PSMB5: variants seen among roughly 807,000 people sequenced by gnomAD.
PSMB5 encodes proteasome 20S subunit beta 5, also known as proteasome subunit beta type-5.
In PSMB5, 2 loss-of-function variants were observed where a neutral mutation model predicts 22.8. That is an observed-to-expected ratio of 0.09 (90% CI 0.04 to 0.28). PSMB5 has a LOEUF of 0.28. Ranked by LOEUF, PSMB5 falls within the 10% of genes least tolerant of loss-of-function variation. The pLI is 1.00. For synonymous variants in PSMB5, 133 were observed against 135.3 expected (o/e 0.98, Z 0.12); for missense variants, 269 against 343.8 (o/e 0.78, Z 1.72).
chr14:23,035,077 T>C, upstream of PSMB5: 1 of 1,099,888 alleles, frequency 9.1e-7, no homozygotes, highest in Non-Finnish European at 1.2e-6. Flanking sequence ...GGGAAATAGA[T>C]GGCTTCACTA....
chr14:23,035,086 T>C, upstream of PSMB5: 1 of 1,001,012 alleles, frequency 1.0e-6, no homozygotes, highest in South Asian at 1.9e-5. Context: ...ATGGCTTCAC[T>C]AACCTTAAAT....
intron 2 of PSMB5, among the ~76,000 whole-genome samples, chr14:23,031,171 C>T (rs578229542): frequency 9.8e-5 from 15 of 152,316 alleles, no homozygotes; most frequent in African/African-American, 3.6e-4. Context: ...GATGCTCAGT[C>T]TCCCTGGATT....
At chr14:23,034,626 A>T in intron 1 of PSMB5, 58 bp downstream of exon 1, 1 of 1,582,542 alleles carries the variant, frequency 6.3e-7, no homozygotes, top group Non-Finnish European at 8.6e-7. Context: ...TCAGGCTGGG[A>T]GGCCAGGCAA....
chr14:23,034,965 C>A, upstream of PSMB5: 2 of 1,493,270 alleles, frequency 1.3e-6, no homozygotes, highest in East Asian at 2.5e-5. Flanking sequence ...AGCTTCACTT[C>A]CTATTAAATC....
intron 2 of PSMB5, among the ~76,000 whole-genome samples, chr14:23,026,795 A>G (rs2046917392): frequency 6.6e-6 from 1 of 150,840 alleles, no homozygotes; most frequent in East Asian, 2.0e-4. Flanking sequence ...AAAAAATAAA[A>G]AAATAGGCCG....
At chr14:23,031,919 T>C (rs2046955121) in intron 2 of PSMB5, among the ~76,000 whole-genome samples, 2 of 151,768 alleles carry the variant, frequency 1.3e-5, no homozygotes, top group African/African-American at 4.8e-5. Flanking sequence ...TGAAACCCTG[T>C]CTCTACTAAA....
intron 2 of PSMB5, among the ~76,000 whole-genome samples, chr14:23,029,981 C>T (rs1329988811): frequency 3.9e-5 from 6 of 151,936 alleles, no homozygotes; most frequent in African/African-American, 7.2e-5. Context: ...TGGGGTTTCA[C>T]CGTGTTAGCC....
chr14:23,026,440 A>ACTAC, intron 2 of PSMB5, 65 bp from the exon 3 acceptor site: 1 of 1,554,208 alleles, frequency 6.4e-7, no homozygotes, highest in East Asian at 2.3e-5. Flanking sequence ...TCTAATTCAT[A>ACTAC]TGCCAAGGCA....
At chr14:23,035,015 C>A (rs1414068064), upstream of PSMB5, 28 of 1,430,214 alleles carry the variant, frequency 2.0e-5, no homozygotes, top group East Asian at 5.1e-5. Flanking sequence ...GGCAAGCACG[C>A]CTCCAAAAAG....
chr14:23,034,467 C>T lies in PSMB5; in HGVS notation c.198+217G>A. ...ACCCAAGAGGCCTCACCTTCCTCCCCCGACTTACCCCCGGCCCCACCGCCA... is the reference window on the plus strand; with the variant it reads ...ACCCAAGAGGCCTCACCTTCCTCCCTCGACTTACCCCCGGCCCCACCGCCA... On this transcript the variant is annotated intron_variant, in intron 1 of 2. Coordinates refer to ENST00000361611, the MANE Select transcript of PSMB5 (RefSeq NM_002797.5). 5.1e-6 allele frequency: 3 copies of T among 583,684 alleles called. No homozygotes were observed. The South Asian group carries it at 6.6e-5, about 13-fold the overall frequency. 36.2% of individuals were successfully genotyped at this position (583,684 alleles called of 1,614,324 possible). A position where few individuals can be genotyped will look rare whatever the true frequency, so the allele number is the denominator to read the frequency against.
chr14:23,027,880 A>C, intron 2 of PSMB5: 5 of 1,415,508 alleles, frequency 3.5e-6, no homozygotes, highest in Non-Finnish European at 3.9e-6. Context: ...GCAGTGGCTC[A>C]AACCCGTAAT....
intron 2 of PSMB5, 60 bp from the exon 3 acceptor site, chr14:23,026,435 T>C: frequency 6.4e-7 from 1 of 1,565,698 alleles, no homozygotes; most frequent in Non-Finnish European, 8.6e-7. Context: ...TGATATCTAA[T>C]TCATATGCCA....
chr14:23,034,786 T>C lies in PSMB5; in HGVS notation c.96A>G (p.Pro32=). 1 of 1,614,208 alleles carries C rather than the reference T, an allele frequency of 6.2e-7. No homozygotes were observed. The highest frequency in any genetic ancestry group is 8.5e-7 in the Non-Finnish European group (1 of 1,180,038). ...GGRADLLDLG[P]GSLSDGLSLA... ...GGCTCAGACCATCACTGAGACTCCC[T>C]GGACCTAGATCCAGCAGATCTGCAC... is the stretch of plus-strand genomic sequence containing the variant. The change falls in exon 1 of 3, where the codon CCA becomes CCG. Residue 32 remains proline (P), a synonymous_variant. Transcript: ENST00000361611.
At chr14:23,031,248 A>T (rs1189392461) in intron 2 of PSMB5, among the ~76,000 whole-genome samples, 2 of 152,222 alleles carry the variant, frequency 1.3e-5, no homozygotes, top group Non-Finnish European at 2.9e-5. Context: ...TCCGCCAGCT[A>T]AAGGTTCAAA....
In PSMB5 at chr14:23,026,371, G is replaced by C. The variant is rs774264387; in HGVS notation, c.510C>G (p.Leu170=). Reference sequence around the variant, plus strand: ...GGTTCCCTTCACTGTCCACGTAGTAGAGGCCTGGAAAGGGAGATGAGGTTA... The same window carrying C: ...GGTTCCCTTCACTGTCCACGTAGTACAGGCCTGGAAAGGGAGATGAGGTTA... The part of the protein sequence containing the change: ...ICGWDKRGPG[L]YYVDSEGNRI... Residue 170 remains leucine, a synonymous_variant, in exon 3 of 3, where the codon CTC becomes CTG. Transcript: ENST00000361611. 11 of 1,613,624 alleles carry C rather than the reference G, an allele frequency of 6.8e-6. No individual in the cohort carries two copies. Among genetic ancestry groups the C allele is most frequent in the Non-Finnish European group, 9.3e-6 (11 of 1,179,774 alleles).
chr14:23,033,300 A>G (rs1244712538), intron 2 of PSMB5, 68 bp downstream of exon 2: 9 of 1,500,646 alleles, frequency 6.0e-6, no homozygotes, highest in African/African-American at 1.4e-5. Flanking sequence ...CCTTTAATTC[A>G]TCTGTCCATC....
upstream of PSMB5, chr14:23,035,129 G>T: frequency 1.6e-6 from 1 of 620,496 alleles, no homozygotes; most frequent in Non-Finnish European, 2.6e-6. Flanking sequence ...CTTGGCTTTG[G>T]TCATGCAAGT....
At position 23,033,498 on chromosome 14, in the gene PSMB5, A is replaced by G. The variant is rs1007216480; in HGVS notation, c.375T>C (p.Tyr125=). 6.2e-7 allele frequency: 1 copy of G among 1,614,148 alleles called. No homozygotes were observed. Among genetic ancestry groups the G allele is most frequent in the Non-Finnish European group, 8.5e-7 (1 of 1,180,034 alleles). The change falls in exon 2 of 3, where the codon TAT becomes TAC. Residue 125 remains tyrosine, a synonymous_variant. Coordinates refer to ENST00000361611, the MANE Select transcript of PSMB5 (RefSeq NM_002797.5). ...ERLLARQCRI[Y]ELRNKERISV... Reference sequence around the variant, plus strand: ...AGATGCGTTCCTTATTTCGAAGCTCATAGATTCGACATTGCCGAGCCAACA... The same window carrying G: ...AGATGCGTTCCTTATTTCGAAGCTCGTAGATTCGACATTGCCGAGCCAACA...
intron 1 of PSMB5, 94 bp downstream of exon 1, chr14:23,034,590 G>A (rs2046977853): frequency 6.8e-6 from 10 of 1,462,724 alleles, no homozygotes; most frequent in African/African-American, 1.4e-5. Context: ...GCCTGGGTTG[G>A]TGGCCAAGGC....
Sources: allele counts gnomAD v4.1 joint callset (sites outside exome capture counted in the v4.1 genomes callset), GRCh38; gene constraint gnomAD v4.1.1; transcripts MANE v1.5; gene names NCBI Gene and HGNC (gene_info 2026-07-23, HGNC 2026-07-21).